PCDH11X: variants seen among roughly 807,000 people sequenced by gnomAD.
The protein encoded by PCDH11X is protocadherin-11 X-linked.
A neutral mutation model predicts 53.3 loss-of-function variants in PCDH11X; 18 were observed. That is an observed-to-expected ratio of 0.34 (90% CI 0.23 to 0.50). The LOEUF is 0.50. PCDH11X is among the 20% of genes least tolerant of loss of function. The pLI, the probability that PCDH11X is intolerant of heterozygous loss-of-function variation, is 0.98. For synonymous variants in PCDH11X, 279 were observed against 393.3 expected, an observed-to-expected ratio of 0.71 and a Z score of 3.44; for missense variants, 570 against 1,032.4, an observed-to-expected ratio of 0.55 and a Z score of 6.14.
chrX:92,233,102 C>G, intron 7 of PCDH11X, among the ~76,000 whole-genome samples: 1 of 106,672 alleles, frequency 9.4e-6, no homozygotes, highest in Non-Finnish European at 1.9e-5. Context: ...TTTTCTGCAT[C>G]CTAAACCCTA....
chrX:92,065,672 A>G (rs774161234), intron 6 of PCDH11X, among the ~76,000 whole-genome samples: 2 of 111,104 alleles, frequency 1.8e-5, no homozygotes, highest in African/African-American at 3.3e-5. Context: ...AGAAATGTCT[A>G]TTCAAATCTT....
intron 8 of PCDH11X, among the ~76,000 whole-genome samples, chrX:92,287,410 T>C (rs1411996056): frequency 9.0e-6 from 1 of 111,303 alleles, no homozygotes; most frequent in Non-Finnish European, 1.9e-5. Flanking sequence ...ATTGCTCAAC[T>C]CCCACTTGTG....
At chrX:92,066,040 G>T (rs1011053002) in intron 6 of PCDH11X, among the ~76,000 whole-genome samples, 21 of 108,103 alleles carry the variant, frequency 1.9e-4, no homozygotes, top group Admixed American at 3.0e-4. Context: ...TAAGGTGAGA[G>T]ACAGAGATCA....
In PCDH11X at chrX:92,581,219, C is replaced by A. The variant is rs774315545; in HGVS notation, c.3368-37045C>A. On this transcript the variant is annotated intron_variant, in intron 10 of 10. Coordinates refer to ENST00000682573, the MANE Select transcript of PCDH11X (RefSeq NM_032968.5). ...CTTATACATAGACAAACACTATATCCCAAAACTATAGAATATGCACCTTTT... is the reference window on the plus strand; with the variant it reads ...CTTATACATAGACAAACACTATATCACAAAACTATAGAATATGCACCTTTT... Among the ~76,000 whole-genome samples, 10 of 111,567 alleles carry A rather than the reference C, an allele frequency of 9.0e-5. 1 individual carries two copies. In the South Asian group the frequency reaches 3.8e-3, roughly 42 times the overall value.
intron 10 of PCDH11X, among the ~76,000 whole-genome samples, chrX:92,500,016 T>C (rs1023047683): frequency 1.3e-4 from 14 of 111,174 alleles, no homozygotes; most frequent in African/African-American, 4.6e-4. Context: ...CTCTTCACTA[T>C]ATTTGCTGTG....
intron 6 of PCDH11X, among the ~76,000 whole-genome samples, chrX:92,096,998 A>G (rs1253668321): frequency 2.7e-5 from 3 of 112,365 alleles, no homozygotes; most frequent in Non-Finnish European, 5.6e-5. Flanking sequence ...AATCTTTATT[A>G]GACAGAGATG....
At chrX:92,473,548 T>G (rs778891591) in intron 10 of PCDH11X, among the ~76,000 whole-genome samples, 3 of 111,819 alleles carry the variant, frequency 2.7e-5, no homozygotes, top group Non-Finnish European at 3.8e-5. Context: ...GGTTGTTTAC[T>G]TGAAGTTTTT....
chrX:92,236,061 G>A (rs1339820967), intron 7 of PCDH11X, among the ~76,000 whole-genome samples: 3 of 111,413 alleles, frequency 2.7e-5, no homozygotes, highest in Non-Finnish European at 5.7e-5. Flanking sequence ...CTAACAGTCT[G>A]TATTAAGATA....
intron 1 of PCDH11X, among the ~76,000 whole-genome samples, chrX:91,799,510 C>G (rs1479536340): frequency 9.0e-6 from 1 of 111,287 alleles, no homozygotes; most frequent in Non-Finnish European, 1.9e-5. Context: ...AGATTTCTGG[C>G]CTTTCACTTG....
intron 6 of PCDH11X, among the ~76,000 whole-genome samples, chrX:91,908,817 A>G (rs969456675): frequency 9.3e-6 from 1 of 108,001 alleles, no homozygotes; most frequent in African/African-American, 3.4e-5. Context: ...AAAAAAAAAA[A>G]AATGTCAAAA....
chrX:92,285,276 G>A lies in PCDH11X; in HGVS notation c.3144+22133G>A, dbSNP rs1327502610. Among the ~76,000 whole-genome samples the A allele has an allele frequency of 4.3e-5, 4 of 92,947 alleles. No homozygotes were observed. In the East Asian group the frequency reaches 1.1e-3, roughly 25 times the overall value. The allele number at this position is 92,947 out of a possible 115,157, so 80.7% of individuals were successfully genotyped here. A position where few individuals can be genotyped will look rare whatever the true frequency, so the allele number is the denominator to read the frequency against. On this transcript the variant is annotated intron_variant, in intron 8 of 10. Coordinates refer to ENST00000682573, the MANE Select transcript of PCDH11X (RefSeq NM_032968.5). ...TTTTTTTTTTTTTTTTTTTTGAGAC[G>A]GAGTTTCACTCTTGTTGCCCAGGCT...
intron 1 of PCDH11X, among the ~76,000 whole-genome samples, chrX:91,808,692 G>T (rs1378133114): frequency 9.2e-6 from 1 of 109,189 alleles, no homozygotes; most frequent in Non-Finnish European, 1.9e-5. Flanking sequence ...CACTCCCCTG[G>T]GACATGAAAA....
At position 92,508,765 on chromosome X, in the gene PCDH11X, T is replaced by G. The variant is rs1347532265; in HGVS notation, c.3367+40443T>G. On this transcript the variant is annotated intron_variant, in intron 10 of 10. Transcript: ENST00000682573. ...AAAAAATTTTGAAATAATATATTTC[T>G]AAATTGCCTGAAGCACATGCAATTT... Among the ~76,000 whole-genome samples, 4 of 109,352 alleles carry G rather than the reference T, an allele frequency of 3.7e-5. No homozygotes were observed. In the East Asian group the frequency reaches 1.2e-3, roughly 32 times the overall value. 95.0% of individuals were successfully genotyped at this position (109,352 alleles called of 115,157 possible).
chrX:92,443,929 T>C lies in PCDH11X; in HGVS notation c.3344-24370T>C, dbSNP rs536122686. ...TAGTATCATGCTATTTTTTTTATTG[T>C]AGCCTCATAGTGTAATTTAAAGTCA... On this transcript the variant is annotated intron_variant, in intron 9 of 10. Transcript: ENST00000682573. Among the ~76,000 whole-genome samples, 5 of 111,277 alleles carry C rather than the reference T, an allele frequency of 4.5e-5. No individual in the cohort carries two copies. In the South Asian group the frequency reaches 1.9e-3, roughly 42 times the overall value.
chrX:92,382,611 A>G (rs1300706259), intron 8 of PCDH11X, among the ~76,000 whole-genome samples: 1 of 111,721 alleles, frequency 9.0e-6, no homozygotes, highest in African/African-American at 3.3e-5. Context: ...GAATGACACC[A>G]ATATAATTTC....
intron 8 of PCDH11X, among the ~76,000 whole-genome samples, chrX:92,366,081 T>C (rs2070464341): frequency 9.1e-6 from 1 of 110,036 alleles, no homozygotes; most frequent in Non-Finnish European, 1.9e-5. Flanking sequence ...TTTGTACCTC[T>C]GGGAGAATTC....
intron 7 of PCDH11X, among the ~76,000 whole-genome samples, chrX:92,221,900 C>T (rs1430501406): frequency 1.8e-5 from 2 of 110,235 alleles, no homozygotes; most frequent in Admixed American, 9.8e-5. Flanking sequence ...CAATCACGAT[C>T]TCAGCTCACT....
chrX:92,120,775 T>C (rs1057239969), intron 6 of PCDH11X, among the ~76,000 whole-genome samples: 3 of 111,937 alleles, frequency 2.7e-5, no homozygotes, highest in Admixed American at 9.5e-5. Flanking sequence ...TACACCTTAT[T>C]TGAACATGTT....
chrX:92,013,429 A>C (rs368132016), intron 6 of PCDH11X, among the ~76,000 whole-genome samples: 4 of 111,929 alleles, frequency 3.6e-5, no homozygotes, highest in Non-Finnish European at 1.9e-5. Context: ...GGTAGGAAGA[A>C]TCAATATCAT....
Sources: gnomAD v4.1 joint callset for allele counts (sites outside exome capture counted in the v4.1 genomes callset) on GRCh38, gnomAD v4.1.1 for gene constraint, MANE v1.5 for transcripts, NCBI Gene and HGNC (gene_info 2026-07-23, HGNC 2026-07-21) for gene names.